Variants in CAMSAP1 observed in about 807,000 individuals in gnomAD.
CAMSAP1 encodes calmodulin-regulated spectrin-associated protein 1.
A neutral mutation model predicts 143.5 loss-of-function variants in CAMSAP1; 58 were observed. That is an observed-to-expected ratio of 0.40 (90% confidence interval 0.33 to 0.50). The LOEUF is 0.50. Among genes scored for constraint, CAMSAP1 ranks in the 20% least tolerant of loss-of-function variants. CAMSAP1 has a pLI of 0.45. For synonymous variants in CAMSAP1, 945 were observed against 859.3 expected, an observed-to-expected ratio of 1.10 and a Z score of -1.74; for missense variants, 1,969 against 2,115.7, an observed-to-expected ratio of 0.93 and a Z score of 1.36.
chr9:135,817,495 G>A (rs984473238), intron 14 of CAMSAP1, among the ~76,000 whole-genome samples: 16 of 152,118 alleles, frequency 1.1e-4, no homozygotes, highest in African/African-American at 4.8e-5. Flanking sequence ...GGGCTCAAGC[G>A]ATACTACCAC....
intron 14 of CAMSAP1, 62 bp from the exon 15 acceptor site, chr9:135,816,067 G>A: frequency 2.0e-6 from 3 of 1,504,608 alleles, no homozygotes; most frequent in Admixed American, 1.7e-5. Context: ...CACCACTGCT[G>A]GCAAGGGGCT....
At position 135,868,169 on chromosome 9, in the gene CAMSAP1, TA is replaced by T. The variant is rs372013273; in HGVS notation, c.586-1634del. ...TGAGAGAATTCAGTAGAACTGCTTG[TA>T]AAAAAAAAAAATGCTAAAAGAAGTT... On this transcript the variant is annotated intron_variant, in intron 3 of 16. Transcript: ENST00000389532. 5.4e-3 allele frequency among the ~76,000 whole-genome samples: 790 copies of T among 146,372 alleles called. 2 individuals carry two copies. Among genetic ancestry groups the T allele is most frequent in the Middle Eastern group, 0.022 (6 of 276 alleles).
chr9:135,868,368 A>G (rs1588488619), intron 3 of CAMSAP1, among the ~76,000 whole-genome samples: 1 of 152,214 alleles, frequency 6.6e-6, no homozygotes, highest in East Asian at 1.9e-4. Context: ...TGACTGAGTT[A>G]CAAGCTGAGC....
chr9:135,819,075 G>A lies in CAMSAP1; in HGVS notation c.3894C>T (p.Ala1298=), dbSNP rs1241261373. 1.2e-6 allele frequency: 2 copies of A among 1,604,142 alleles called. No homozygotes were observed. The highest frequency in any genetic ancestry group is 1.1e-5 in the South Asian group (1 of 89,448). The change falls in exon 12 of 17, where the codon GCC becomes GCT. Residue 1298 remains alanine (A), a synonymous_variant. Transcript: ENST00000389532. ...GCTGCTTGCGCACGCGGGCCTCCTCGGCCTTGCGCTGCTGCTTCAGGAGGA... is the reference window on the plus strand; with the variant it reads ...GCTGCTTGCGCACGCGGGCCTCCTCAGCCTTGCGCTGCTGCTTCAGGAGGA... ...AAFLLKQQRK[A]EEARVRKQQL... is the part of the protein sequence containing the mutation.
chr9:135,866,680 A>T, intron 3 of CAMSAP1, 144 bp from the exon 4 acceptor site: 1 of 580,152 alleles, frequency 1.7e-6, no homozygotes, highest in Non-Finnish European at 3.1e-6. Context: ...TTACACAGAT[A>T]CAGAAGTACA....
Position 135,882,831 on chromosome 9 carries a change from G to A in CAMSAP1, c.408C>T (p.Arg136=), listed in dbSNP as rs760628469. ...DTPVTESDLS[R]APIKMSAHMA... ...GACCACTCACCATTTTTATGGGTGCGCGACTGAGGTCGGACTCTGTCACGG... is the reference window on the plus strand; with the variant it reads ...GACCACTCACCATTTTTATGGGTGCACGACTGAGGTCGGACTCTGTCACGG... The change falls in exon 2 of 17, where the codon CGC becomes CGT. Residue 136 remains arginine (R), a synonymous_variant. Coordinates refer to ENST00000389532, the MANE Select transcript of CAMSAP1 (RefSeq NM_015447.4). The surrounding 1 kb of genome is among the most constrained non-coding windows in gnomAD (Gnocchi z 4.9). 23 of 1,550,626 alleles carry A rather than the reference G, an allele frequency of 1.5e-5. No individual in the cohort carries two copies. The highest frequency in any genetic ancestry group is 1.7e-4 in the Middle Eastern group (1 of 6,008).
At chr9:135,874,057 G>A (rs1197789436) in intron 3 of CAMSAP1, among the ~76,000 whole-genome samples, 1 of 152,024 alleles carries the variant, frequency 6.6e-6, no homozygotes, top group Non-Finnish European at 1.5e-5. Context: ...TGAAAGGGCT[G>A]GTTCAACATC....
At chr9:135,894,095 T>C (rs1838373919) in intron 1 of CAMSAP1, among the ~76,000 whole-genome samples, 1 of 151,998 alleles carries the variant, frequency 6.6e-6, no homozygotes, top group Non-Finnish European at 1.5e-5. Flanking sequence ...CTGGATTGAG[T>C]AGGAGTTCCA....
At position 135,821,867 on chromosome 9, in the gene CAMSAP1, G is replaced by C. The variant is rs888577606; in HGVS notation, c.2794C>G (p.Pro932Ala). The C allele has an allele frequency of 3.1e-6, 5 of 1,614,022 alleles. No homozygotes were observed. The highest frequency in any genetic ancestry group is 4.2e-6 in the Non-Finnish European group (5 of 1,179,894). Residue 932 changes from proline to alanine, a missense_variant, in exon 11 of 17, where the codon CCG becomes GCG. Pro to Ala is a conservative substitution (Grantham distance 27, BLOSUM62 -1). Around this residue, in one of 4 missense-constraint regions of CAMSAP1, gnomAD observed 1,390 missense variants for 1,420.8 expected, o/e 0.98. Coordinates refer to ENST00000389532, the MANE Select transcript of CAMSAP1 (RefSeq NM_015447.4). The surrounding 1 kb of genome is among the most constrained non-coding windows in gnomAD (Gnocchi z 4.6). The stretch of plus-strand genomic sequence containing the variant: ...GAGTACTCCTTTGCAAAGTGCTCCG[G>C]CCTGAGGGGTGGGGCAGCCTCGGCC... ...GKAEAAPPLR[P>A]EHFAKEYSQH...
intron 7 of CAMSAP1, chr9:135,836,393 TACC>T (rs1422160927): frequency 1.3e-5 from 12 of 959,142 alleles, no homozygotes; most frequent in Middle Eastern, 5.7e-4. Flanking sequence ...AGACACACGT[TACC>T]ACGCTTTTTC....
intron 5 of CAMSAP1, among the ~76,000 whole-genome samples, chr9:135,851,713 C>T (rs922354372): frequency 6.6e-6 from 1 of 152,148 alleles, no homozygotes; most frequent in African/African-American, 2.4e-5. Context: ...GTTTTTGCCC[C>T]AAAACTCAGT....
rs114484772 is a variant in CAMSAP1, at chr9:135,823,254, C to T, written c.1407G>A (p.Ala469=). 2.1e-3 allele frequency: 3,295 copies of T among 1,545,730 alleles called. 65 individuals carry two copies. In the African/African-American group the frequency reaches 0.04, roughly 19 times the overall value. ...GTAGAGCAAAAGGTGTTGGCTGGGA[C>T]GCAGGCCTGAAACACAGGGAAGGCC... is the stretch of plus-strand genomic sequence containing the variant. ...IAWPEKKTRP[A]SQPTPFALHH... The change falls in exon 11 of 17, where the codon GCG becomes GCA. Residue 469 remains alanine, a synonymous_variant. Coordinates refer to ENST00000389532, the MANE Select transcript of CAMSAP1 (RefSeq NM_015447.4).
chr9:135,865,115 G>C, intron 4 of CAMSAP1: 2 of 560,376 alleles, frequency 3.6e-6, no homozygotes, highest in Middle Eastern at 2.7e-4. Context: ...TAGGAAACTG[G>C]GCGAAATGTA....
chr9:135,863,139 C>T (rs956718575), intron 4 of CAMSAP1, among the ~76,000 whole-genome samples: 2 of 152,186 alleles, frequency 1.3e-5, no homozygotes, highest in Non-Finnish European at 2.9e-5. Flanking sequence ...TCTCATAACA[C>T]AACCACCACC....
chr9:135,855,745 A>AT (rs796449546), intron 5 of CAMSAP1, among the ~76,000 whole-genome samples: 1 of 134,888 alleles, frequency 7.4e-6, no homozygotes, highest in Non-Finnish European at 1.6e-5. Context: ...CTTCATCTCA[A>AT]TTTAAAAAAA....
In CAMSAP1 at chr9:135,820,373, A is replaced by G. The variant is rs551863765; in HGVS notation, c.3822+466T>C. Reference sequence around the variant, plus strand: ...TTTACGCTTCCCTTCATATCTAAGGAAAAAATTACAAGAAAAACATACAAA... The same window carrying G: ...TTTACGCTTCCCTTCATATCTAAGGGAAAAATTACAAGAAAAACATACAAA... On this transcript the variant is annotated intron_variant, in intron 11 of 16. Coordinates refer to ENST00000389532, the MANE Select transcript of CAMSAP1 (RefSeq NM_015447.4). This position sits in a 1 kb window ranked among gnomAD's most constrained non-coding sequence, Gnocchi z 4.4. Among the ~76,000 whole-genome samples, 6 of 152,158 alleles carry G rather than the reference A, an allele frequency of 3.9e-5. No homozygotes were observed. The highest frequency in any genetic ancestry group is 8.8e-5 in the Non-Finnish European group (6 of 68,026).
At chr9:135,877,767 C>T (rs1017542636) in intron 3 of CAMSAP1, among the ~76,000 whole-genome samples, 3 of 152,040 alleles carry the variant, frequency 2.0e-5, no homozygotes, top group African/African-American at 7.2e-5. Context: ...GCCGCAATGA[C>T]ACAACTGCAC....
intron 7 of CAMSAP1, among the ~76,000 whole-genome samples, chr9:135,843,460 T>C (rs955190887): frequency 6.6e-6 from 1 of 151,602 alleles, no homozygotes; most frequent in Non-Finnish European, 1.5e-5. Flanking sequence ...ACCAAGCAAA[T>C]GGAAAGCAAA....
Position 135,824,101 on chromosome 9 carries a change from T to A in CAMSAP1, c.1316-67A>T. 1 of 1,393,600 alleles carries A rather than the reference T, an allele frequency of 7.2e-7. No individual in the cohort carries two copies. Among genetic ancestry groups the A allele is most frequent in the Non-Finnish European group, 1.0e-6 (1 of 1,003,654 alleles). 86.3% of individuals were successfully genotyped at this position (1,393,600 alleles called of 1,614,324 possible). On this transcript the variant is annotated intron_variant, in intron 9 of 16. Coordinates refer to ENST00000389532, the MANE Select transcript of CAMSAP1 (RefSeq NM_015447.4). The surrounding 1 kb of genome is among the most constrained non-coding windows in gnomAD (Gnocchi z 4.1). ...TCTATCACTTGAAATTCTTTCAATATGACCATTTGTCCAGAAAAATGCCTC... is the reference window on the plus strand; with the variant it reads ...TCTATCACTTGAAATTCTTTCAATAAGACCATTTGTCCAGAAAAATGCCTC...
Sources: gnomAD v4.1 joint callset for allele counts (sites outside exome capture counted in the v4.1 genomes callset) on GRCh38, gnomAD v4.1.1 for gene constraint, gnomAD v4.1.1 regional missense constraint, Gnocchi (gnomAD v3.1) non-coding constraint, MANE v1.5 for transcripts, NCBI Gene and HGNC (gene_info 2026-07-23, HGNC 2026-07-21) for gene names.